The following PBX3 variants were observed in gnomAD, a reference collection of about 807,000 sequenced individuals.
PBX3 encodes pre-B-cell leukemia transcription factor 3.
PBX3 carries 14 observed loss-of-function variants against 48.5 expected under a neutral mutation model. The ratio of observed to expected loss-of-function variants is 0.29; its 90% CI spans 0.19 to 0.45. PBX3 has a LOEUF of 0.45. PBX3 is among the 20% of genes least tolerant of loss of function. The pLI is 1.00. For missense variants in PBX3, 386 were observed against 546.7 expected, an observed-to-expected ratio of 0.71 and a Z score of 2.93; for synonymous variants, 210 against 200.3, an observed-to-expected ratio of 1.05 and a Z score of -0.41.
chr9:125,834,979 T>C (rs1268654828), intron 2 of PBX3, among the ~76,000 whole-genome samples: 1 of 121,044 alleles, frequency 8.3e-6, no homozygotes, highest in Non-Finnish European at 1.6e-5. Flanking sequence ...TTCATGCCAC[T>C]GCACTCCAGC....
chr9:125,883,639 G>A (rs1213280494), intron 2 of PBX3, among the ~76,000 whole-genome samples: 1 of 151,596 alleles, frequency 6.6e-6, no homozygotes, highest in African/African-American at 2.4e-5. Context: ...CCAGTTGCAT[G>A]GTCATATGTT....
At chr9:125,958,062 T>C (rs1408109043) in intron 5 of PBX3, among the ~76,000 whole-genome samples, 2 of 152,238 alleles carry the variant, frequency 1.3e-5, no homozygotes, top group Non-Finnish European at 2.9e-5. Flanking sequence ...TTTAGAACTT[T>C]TCTGTTTTTA....
chr9:125,910,669 A>G (rs988607064), intron 2 of PBX3, among the ~76,000 whole-genome samples: 1 of 151,538 alleles, frequency 6.6e-6, no homozygotes, highest in East Asian at 1.9e-4. Context: ...TGACTGCCAT[A>G]TTCAGTGGAT....
chr9:125,932,150 G>A (rs1841731827), intron 4 of PBX3, among the ~76,000 whole-genome samples: 1 of 152,172 alleles, frequency 6.6e-6, no homozygotes, highest in Non-Finnish European at 1.5e-5. Context: ...CTGGTTACCA[G>A]TAATGAGTCA....
At chr9:125,865,036 G>A (rs1004360460) in intron 2 of PBX3, among the ~76,000 whole-genome samples, 1 of 152,146 alleles carries the variant, frequency 6.6e-6, no homozygotes, top group African/African-American at 2.4e-5. Flanking sequence ...AACATTTATT[G>A]TGCCTGGCGC....
chr9:125,761,632 A>G (rs1396898700), intron 2 of PBX3, among the ~76,000 whole-genome samples: 3 of 152,178 alleles, frequency 2.0e-5, no homozygotes, highest in Non-Finnish European at 4.4e-5. Context: ...TAAAAAGTCA[A>G]AACAATAACA....
intron 2 of PBX3, among the ~76,000 whole-genome samples, chr9:125,842,309 A>T (rs1206977067): frequency 2.0e-5 from 3 of 152,172 alleles, no homozygotes; most frequent in Non-Finnish European, 2.9e-5. Flanking sequence ...GCCTGCAGAG[A>T]CAGTGAATCC....
chr9:125,959,180 A>G (rs1447419905), intron 5 of PBX3, among the ~76,000 whole-genome samples: 1 of 152,240 alleles, frequency 6.6e-6, no homozygotes, highest in Non-Finnish European at 1.5e-5. Flanking sequence ...TCACCAAATG[A>G]TAGTTATTAG....
intron 2 of PBX3, among the ~76,000 whole-genome samples, chr9:125,891,022 A>G (rs1012482982): frequency 3.3e-5 from 5 of 152,210 alleles, no homozygotes; most frequent in Admixed American, 1.3e-4. Flanking sequence ...CCATGATAAC[A>G]TTTAGCTCTG....
chr9:125,936,689 CAA>C (rs1386244057), intron 5 of PBX3, among the ~76,000 whole-genome samples: 1 of 152,078 alleles, frequency 6.6e-6, no homozygotes, highest in Admixed American at 6.6e-5. Context: ...TGTAGAAACT[CAA>C]GAGCAAACTT....
intron 2 of PBX3, among the ~76,000 whole-genome samples, chr9:125,813,660 T>G (rs183817721): frequency 5.6e-4 from 85 of 152,310 alleles, no homozygotes; most frequent in Non-Finnish European, 1.1e-3. Flanking sequence ...AAGCAGTTCC[T>G]TATATTCTGG....
intron 2 of PBX3, among the ~76,000 whole-genome samples, chr9:125,812,529 C>T (rs758337042): frequency 1.3e-5 from 2 of 152,198 alleles, no homozygotes; most frequent in African/African-American, 2.4e-5. Flanking sequence ...TGCGTTTTTA[C>T]TAAGACTCAA....
In PBX3 at chr9:125,960,764, T is replaced by C; in HGVS notation, c.924T>C (p.Ala308=). The C allele has an allele frequency of 6.2e-7, 1 of 1,614,224 alleles. No homozygotes were observed. The highest frequency in any genetic ancestry group is 8.5e-7 in the Non-Finnish European group (1 of 1,180,026). ...GKFQEEANLY[A]AKTAVTAAHA... is the part of the protein sequence containing the mutation. ...TTCAGGAAGAAGCCAACCTCTATGC[T>C]GCAAAGACGGCCGTGACAGCTGCAC... is the stretch of plus-strand genomic sequence containing the variant. Residue 308 remains alanine, a synonymous_variant, in exon 6 of 9, where the codon GCT becomes GCC. Transcript: ENST00000373489.
chr9:125,782,399 C>G (rs868428400), intron 2 of PBX3, among the ~76,000 whole-genome samples: 50 of 152,276 alleles, frequency 3.3e-4, no homozygotes, highest in African/African-American at 1.2e-3. Context: ...GGGACACAGC[C>G]AAACCATATC....
intron 1 of PBX3, 99 bp from the exon 2 acceptor site, chr9:125,748,451 G>C: frequency 2.0e-6 from 3 of 1,535,254 alleles, no homozygotes; most frequent in Non-Finnish European, 2.7e-6. Flanking sequence ...CTTCCAGAAT[G>C]GGGGGCTGGA....
intron 2 of PBX3, among the ~76,000 whole-genome samples, chr9:125,775,696 C>G (rs1837053860): frequency 6.6e-6 from 1 of 152,230 alleles, no homozygotes; most frequent in South Asian, 2.1e-4. Flanking sequence ...TAACTTTGTT[C>G]TTTTTCAAGA....
intron 5 of PBX3, among the ~76,000 whole-genome samples, chr9:125,956,580 A>T (rs1225558614): frequency 1.3e-5 from 2 of 152,152 alleles, no homozygotes; most frequent in Non-Finnish European, 2.9e-5. Context: ...CGGACTGCAT[A>T]ATGTGCACTA....
At chr9:125,866,484 C>T (rs2132305159) in intron 2 of PBX3, among the ~76,000 whole-genome samples, 1 of 152,148 alleles carries the variant, frequency 6.6e-6, no homozygotes, top group Non-Finnish European at 1.5e-5. Context: ...GGTTTACATT[C>T]TAGTGGAAAG....
chr9:125,793,940 A>T (rs1199471486), intron 2 of PBX3, among the ~76,000 whole-genome samples: 3 of 152,234 alleles, frequency 2.0e-5, no homozygotes, highest in Non-Finnish European at 4.4e-5. Flanking sequence ...ATTTAAAAAC[A>T]TACAGAGAGA....
Sources: gnomAD v4.1 joint callset for allele counts (sites outside exome capture counted in the v4.1 genomes callset) on GRCh38, gnomAD v4.1.1 for gene constraint, MANE v1.5 for transcripts, NCBI Gene and HGNC (gene_info 2026-07-23, HGNC 2026-07-21) for gene names.